The following CELF4 variants were observed in gnomAD, a reference collection of about 807,000 sequenced individuals.
CELF4 encodes CUGBP Elav-like family member 4.
Under a neutral mutation model 59.9 loss-of-function variants are expected in CELF4, and 18 were observed. The observed-to-expected ratio is 0.30, with a 90% confidence interval of 0.21 to 0.45. The LOEUF is 0.45. Among genes scored for constraint, CELF4 ranks in the 20% least tolerant of loss-of-function variants. The pLI is 1.00. For missense variants in CELF4, 456 were observed against 689.0 expected, an observed-to-expected ratio of 0.66 and a Z score of 3.79; for synonymous variants, 261 against 267.1, an observed-to-expected ratio of 0.98 and a Z score of 0.22.
chr18:37,337,793 C>A (rs2097827761), intron 2 of CELF4, among the ~76,000 whole-genome samples: 1 of 152,222 alleles, frequency 6.6e-6, no homozygotes, highest in Admixed American at 6.5e-5. Context: ...CCTACTTCCA[C>A]CTCTATGCTC....
chr18:37,354,472 G>A (rs377453475), intron 2 of CELF4, among the ~76,000 whole-genome samples: 5 of 152,280 alleles, frequency 3.3e-5, no homozygotes, highest in African/African-American at 1.2e-4. Flanking sequence ...TGAGTACAAG[G>A]CCAAGGAATT....
chr18:37,308,460 A>C (rs2096527927), intron 3 of CELF4, among the ~76,000 whole-genome samples: 1 of 151,982 alleles, frequency 6.6e-6, no homozygotes, highest in Admixed American at 6.5e-5. Context: ...GGCACAGGCC[A>C]CCCCTCTGCC....
chr18:37,478,873 C>T (rs971563030), intron 2 of CELF4, among the ~76,000 whole-genome samples: 1 of 152,210 alleles, frequency 6.6e-6, no homozygotes, highest in African/African-American at 2.4e-5. Context: ...TCCTGTTTGG[C>T]TGGAAAGCCT....
chr18:37,503,396 A>G (rs1434922354), intron 1 of CELF4, among the ~76,000 whole-genome samples: 1 of 152,222 alleles, frequency 6.6e-6, no homozygotes, highest in Non-Finnish European at 1.5e-5. Context: ...ACTCCAGCCA[A>G]CAAAGCCCAA....
intron 12 of CELF4, among the ~76,000 whole-genome samples, chr18:37,249,908 T>A (rs1467403705): frequency 2.0e-5 from 3 of 152,126 alleles, no homozygotes; most frequent in Non-Finnish European, 4.4e-5. Flanking sequence ...CACCTGTGCC[T>A]GCAAAGCCTG....
At chr18:37,299,938 A>G (rs2095895193) in intron 3 of CELF4, among the ~76,000 whole-genome samples, 1 of 152,110 alleles carries the variant, frequency 6.6e-6, no homozygotes, top group Non-Finnish European at 1.5e-5. Context: ...CCTGGAGTGC[A>G]GAGCCACAAC....
intron 2 of CELF4, among the ~76,000 whole-genome samples, chr18:37,422,903 C>T (rs1429393923): frequency 6.6e-6 from 1 of 152,204 alleles, no homozygotes; most frequent in Non-Finnish European, 1.5e-5. Flanking sequence ...GCCATGAGCA[C>T]AACGCAAAAT....
rs769982791 is a variant in CELF4, at chr18:37,253,850, C to T, written c.1422G>A (p.Val474=). The change falls in exon 12 of 13, where the codon GTG becomes GTA. Residue 474 remains valine, a synonymous_variant. Coordinates refer to ENST00000420428, the MANE Select transcript of CELF4 (RefSeq NM_020180.4). The surrounding 1 kb of genome is among the most constrained non-coding windows in gnomAD (Gnocchi z 4.5). ...GFQIGMKRLK[V]QLKRPKDANR... is the part of the protein sequence containing the mutation. Reference sequence around the variant, plus strand: ...TGGCGTCTTTGGGCCGCTTCAGCTGCACCTTGAGCCTCTTCATGCCGATCT... The same window carrying T: ...TGGCGTCTTTGGGCCGCTTCAGCTGTACCTTGAGCCTCTTCATGCCGATCT... 10 of 1,608,220 alleles carry T rather than the reference C, an allele frequency of 6.2e-6. No homozygotes were observed. In the Admixed American group the frequency reaches 1.0e-4, roughly 16 times the overall value.
intron 1 of CELF4, among the ~76,000 whole-genome samples, chr18:37,537,416 T>C (rs927474210): frequency 6.6e-6 from 1 of 152,154 alleles, no homozygotes; most frequent in East Asian, 1.9e-4. Context: ...AGCAAGTCCT[T>C]GGGGGTGTCT....
At chr18:37,454,383 C>G (rs1204839259) in intron 2 of CELF4, among the ~76,000 whole-genome samples, 1 of 152,184 alleles carries the variant, frequency 6.6e-6, no homozygotes, top group Non-Finnish European at 1.5e-5. Context: ...TGACCCAAGT[C>G]AGACCTTTAG....
At chr18:37,266,271 T>C in intron 9 of CELF4, 2 of 577,224 alleles carry the variant, frequency 3.5e-6, no homozygotes, top group South Asian at 4.0e-5. Flanking sequence ...CAAAGACAGG[T>C]AACTGCCCAG....
intron 2 of CELF4, among the ~76,000 whole-genome samples, chr18:37,375,575 G>C (rs1269427579): frequency 6.6e-6 from 1 of 152,180 alleles, no homozygotes; most frequent in African/African-American, 2.4e-5. Context: ...CTGTGAGATG[G>C]AAACTTAATA....
At chr18:37,294,008 T>A (rs917021408) in intron 3 of CELF4, among the ~76,000 whole-genome samples, 1 of 152,124 alleles carries the variant, frequency 6.6e-6, no homozygotes, top group African/African-American at 2.4e-5. Flanking sequence ...AACTTCCAGA[T>A]AAACAATTTC....
intron 2 of CELF4, among the ~76,000 whole-genome samples, chr18:37,452,213 G>T (rs2099766010): frequency 6.6e-6 from 1 of 152,240 alleles, no homozygotes; most frequent in Non-Finnish European, 1.5e-5. Flanking sequence ...ATAGCAGCAG[G>T]AGTAATAACA....
chr18:37,444,973 A>G (rs2099744237), intron 2 of CELF4, among the ~76,000 whole-genome samples: 1 of 152,182 alleles, frequency 6.6e-6, no homozygotes, highest in Non-Finnish European at 1.5e-5. Flanking sequence ...AGAAGGGCAC[A>G]CACAGCCTGC....
At chr18:37,331,187 G>A (rs747082762) in intron 2 of CELF4, among the ~76,000 whole-genome samples, 2 of 152,080 alleles carry the variant, frequency 1.3e-5, no homozygotes, top group Non-Finnish European at 2.9e-5. Flanking sequence ...TTCCCCCAAC[G>A]CCCTGTCCCT....
rs138048675 is a variant in CELF4, at chr18:37,544,369, C to T, written c.286+20987G>A. On this transcript the variant is annotated intron_variant, in intron 1 of 12. Coordinates refer to ENST00000420428, the MANE Select transcript of CELF4 (RefSeq NM_020180.4). Reference sequence around the variant, plus strand: ...CTCACACAGCTTGTCAGCGGAGCTGCGGGGCTGGACCTCAGTGCTATGCAT... The same window carrying T: ...CTCACACAGCTTGTCAGCGGAGCTGTGGGGCTGGACCTCAGTGCTATGCAT... Among the ~76,000 whole-genome samples, 689 of 152,272 alleles carry T rather than the reference C, an allele frequency of 4.5e-3. 3 individuals carry two copies. The highest frequency in any genetic ancestry group is 0.01 in the Middle Eastern group (3 of 294).
intron 3 of CELF4, among the ~76,000 whole-genome samples, chr18:37,305,005 G>C (rs750121771): frequency 1.3e-5 from 2 of 152,230 alleles, no homozygotes; most frequent in African/African-American, 4.8e-5. Context: ...AAAGGGACTG[G>C]TGGGGATGTG....
chr18:37,338,409 A>T (rs543165403), intron 2 of CELF4, among the ~76,000 whole-genome samples: 1 of 150,112 alleles, frequency 6.7e-6, no homozygotes, highest in Non-Finnish European at 1.5e-5. Context: ...CACCACTATC[A>T]TTGTCACCAT....
Sources: allele counts gnomAD v4.1 joint callset (sites outside exome capture counted in the v4.1 genomes callset), GRCh38; gene constraint gnomAD v4.1.1; non-coding constraint Gnocchi (gnomAD v3.1); transcripts MANE v1.5; gene names NCBI Gene and HGNC (gene_info 2026-07-23, HGNC 2026-07-21).